The following CAST variants were observed in gnomAD, a reference collection of about 807,000 sequenced individuals.
The protein encoded by CAST is MIR583 host.
Under a neutral mutation model 119.6 loss-of-function variants are expected in CAST, and 76 were observed. That is an observed-to-expected ratio of 0.64 (90% CI 0.53 to 0.77). CAST has a LOEUF of 0.77. CAST is among the 30% of genes least tolerant of loss of function. CAST has a pLI of 0.00. For synonymous variants in CAST, 319 were observed against 331.6 expected (o/e 0.96, Z 0.41); for missense variants, 953 against 946.5 (o/e 1.01, Z -0.09).
intron 1 of CAST, among the ~76,000 whole-genome samples, chr5:96,592,326 G>A (rs1394746533): frequency 6.6e-6 from 1 of 150,416 alleles, no homozygotes; most frequent in Non-Finnish European, 1.5e-5. Flanking sequence ...GTTTGAGCCC[G>A]GGAGGTGGAG....
At chr5:96,617,558 G>A (rs1018948986) in intron 1 of CAST, among the ~76,000 whole-genome samples, 2 of 151,922 alleles carry the variant, frequency 1.3e-5, no homozygotes, top group Non-Finnish European at 2.9e-5. Context: ...GGGAGGCCAA[G>A]GCGGGCGAAT....
chr5:96,311,001 T>TAA, the CAST span, among the ~76,000 whole-genome samples: 4 of 151,988 alleles, frequency 2.6e-5, no homozygotes, highest in Non-Finnish European at 4.4e-5. Context: ...CTTTTTCTAT[T>TAA]TCCTTGGGGC....
the CAST span, chr5:96,394,864 C>T: frequency 6.2e-7 from 1 of 1,614,026 alleles, no homozygotes; most frequent in Non-Finnish European, 8.5e-7. Flanking sequence ...CCACACAGAC[C>T]TCCCCTGGAT....
At chr5:96,489,507 C>A in the CAST span, among the ~76,000 whole-genome samples, 1 of 152,332 alleles carries the variant, frequency 6.6e-6, no homozygotes, top group East Asian at 1.9e-4. Context: ...CACAGACTTA[C>A]ATATGCTACA....
the CAST span, among the ~76,000 whole-genome samples, chr5:96,505,314 A>G: frequency 1.3e-5 from 2 of 152,140 alleles, no homozygotes; most frequent in South Asian, 4.1e-4. Context: ...ATCATGAGCA[A>G]TAAAAGTAGT....
At chr5:96,750,112 C>G (rs1357608906) in intron 19 of CAST, among the ~76,000 whole-genome samples, 1 of 151,954 alleles carries the variant, frequency 6.6e-6, no homozygotes, top group Non-Finnish European at 1.5e-5. Context: ...ATAAAGTGCT[C>G]TTAGGTTTAT....
chr5:96,555,614 AG>A (rs1746223710), intron 1 of CAST, among the ~76,000 whole-genome samples: 1 of 152,170 alleles, frequency 6.6e-6, no homozygotes, highest in African/African-American at 2.4e-5. Flanking sequence ...ACGCCCATGG[AG>A]CCTAGCTCAT....
At chr5:96,444,116 A>G in the CAST span, among the ~76,000 whole-genome samples, 1 of 152,192 alleles carries the variant, frequency 6.6e-6, no homozygotes, top group African/African-American at 2.4e-5. Context: ...AGGGATTGAG[A>G]GTCCACCCCA....
chr5:96,259,737 C>G, the CAST span, among the ~76,000 whole-genome samples: 1,397 of 152,124 alleles, frequency 9.2e-3, 25 homozygotes, highest in African/African-American at 0.033. Context: ...CTCACTTCCT[C>G]TAACATTTTA....
chr5:96,471,872 A>G, the CAST span, among the ~76,000 whole-genome samples: 1 of 151,838 alleles, frequency 6.6e-6, no homozygotes. Flanking sequence ...TTCTCAGAAG[A>G]TCAGCTAAAG....
chr5:96,032,503 A>G, the CAST span, among the ~76,000 whole-genome samples: 1 of 152,136 alleles, frequency 6.6e-6, no homozygotes, highest in Non-Finnish European at 1.5e-5. Flanking sequence ...TGCTTAATAG[A>G]TTGTGGTACA....
At chr5:96,210,211 G>T in the CAST span, 1 of 151,842 alleles carries the variant, frequency 6.6e-6, no homozygotes, top group Non-Finnish European at 1.5e-5. Flanking sequence ...TAGTATATGT[G>T]CTGCCAAAGA....
chr5:96,619,540 G>T (rs544815542), intron 1 of CAST, among the ~76,000 whole-genome samples: 9 of 152,350 alleles, frequency 5.9e-5, no homozygotes, highest in East Asian at 3.9e-4. Context: ...CAGTGTGGTA[G>T]CTTTGTTCTT....
chr5:96,071,427 C>T, the CAST span, among the ~76,000 whole-genome samples: 1 of 152,166 alleles, frequency 6.6e-6, no homozygotes, highest in African/African-American at 2.4e-5. Context: ...AGTCCCCAGG[C>T]ATGAACCAGT....
the CAST span, among the ~76,000 whole-genome samples, chr5:96,277,245 T>C: frequency 1.6e-5 from 1 of 62,720 alleles, no homozygotes; most frequent in East Asian, 4.8e-4. Flanking sequence ...TTTTCAGTTT[T>C]TCTGGGGAGT....
At chr5:96,254,066 T>C in the CAST span, among the ~76,000 whole-genome samples, 3 of 152,150 alleles carry the variant, frequency 2.0e-5, no homozygotes, top group African/African-American at 7.2e-5. Flanking sequence ...TGCTGTGAAC[T>C]CTAATTATTT....
chr5:96,163,032 T>C, the CAST span, among the ~76,000 whole-genome samples: 1 of 152,210 alleles, frequency 6.6e-6, no homozygotes, highest in African/African-American at 2.4e-5. Flanking sequence ...GGCTTTTCTT[T>C]GAGGGTAGCT....
the CAST span, among the ~76,000 whole-genome samples, chr5:95,994,499 G>A: frequency 6.6e-6 from 1 of 151,932 alleles, no homozygotes; most frequent in African/African-American, 2.4e-5. Flanking sequence ...AGTGCAAAGA[G>A]GAAATTTTTT....
chr5:96,209,814 G>A, the CAST span, among the ~76,000 whole-genome samples: 3 of 151,452 alleles, frequency 2.0e-5, no homozygotes, highest in Admixed American at 1.3e-4. Context: ...TCTTGGGGGT[G>A]GTTGTCTTGT....
Sources: allele counts gnomAD v4.1 joint callset (sites outside exome capture counted in the v4.1 genomes callset), GRCh38; gene constraint gnomAD v4.1.1; transcripts MANE v1.5; gene names NCBI Gene and HGNC (gene_info 2026-07-23, HGNC 2026-07-21).